Variants in DACH2 observed in about 807,000 individuals in gnomAD.
The protein encoded by DACH2 is dachshund family transcription factor 2, also known as dachshund homolog 2.
A neutral mutation model predicts 35.8 loss-of-function variants in DACH2; 17 were observed. The ratio of observed to expected loss-of-function variants is 0.48; its 90% CI spans 0.33 to 0.71. The LOEUF is 0.71. Ranked by LOEUF, DACH2 falls within the 30% of genes least tolerant of loss-of-function variation. The pLI, the probability that DACH2 is intolerant of heterozygous loss-of-function variation, is 0.02. For synonymous variants in DACH2, 195 were observed against 177.3 expected (o/e 1.10, Z -0.79); for missense variants, 469 against 472.7 (o/e 0.99, Z 0.07).
chrX:86,253,919 GA>G (rs2147954307), intron 1 of DACH2, among the ~76,000 whole-genome samples: 1 of 111,925 alleles, frequency 8.9e-6, no homozygotes, highest in Non-Finnish European at 1.9e-5. Context: ...TGTAATTTTT[GA>G]CACATTGGTT....
At chrX:86,773,877 T>G (rs1370260969) in intron 7 of DACH2, among the ~76,000 whole-genome samples, 1 of 112,094 alleles carries the variant, frequency 8.9e-6, no homozygotes, top group Non-Finnish European at 1.9e-5. Context: ...CTAGCTCTAA[T>G]CATTGTAGAA....
At position 86,698,514 on chromosome X, in the gene DACH2, G is replaced by GTTTTTTTTTTTTTTTTTTTTTTTT. The variant is rs1345238527; in HGVS notation, c.931+3339_931+3340insTTTTTTTTTTTTTTTTTTTTTTTT. 8.7e-5 allele frequency among the ~76,000 whole-genome samples: 3 copies of GTTTTTTTTTTTTTTTTTTTTTTTT among 34,343 alleles called. 1 individual carries two copies. Among genetic ancestry groups the GTTTTTTTTTTTTTTTTTTTTTTTT allele is most frequent in the Non-Finnish European group, 1.5e-4 (3 of 20,270 alleles). The allele number at this position is 34,343 out of a possible 115,157, so 29.8% of individuals were successfully genotyped here. On this transcript the variant is annotated intron_variant, in intron 5 of 11. Coordinates refer to ENST00000373125, the MANE Select transcript of DACH2 (RefSeq NM_053281.3). ...TTAATTTCTTCTTTTTGTTTTGTTA[G>GTTTTTTTTTTTTTTTTTTTTTTTT]TTTTGTGTTTTTTTTTTTTTTTTTT...
chrX:86,212,031 T>A (rs1175045041), intron 1 of DACH2, among the ~76,000 whole-genome samples: 1 of 111,700 alleles, frequency 9.0e-6, no homozygotes, highest in East Asian at 2.8e-4. Context: ...AAGACCTGAA[T>A]TGCATTGAAT....
chrX:86,663,761 C>G (rs781183870), intron 4 of DACH2, among the ~76,000 whole-genome samples: 2 of 111,962 alleles, frequency 1.8e-5, no homozygotes, highest in African/African-American at 3.2e-5. Context: ...GAATTTGACA[C>G]CATGTCCGCT....
At chrX:86,453,137 T>C (rs1037203201) in intron 2 of DACH2, among the ~76,000 whole-genome samples, 1 of 111,857 alleles carries the variant, frequency 8.9e-6, no homozygotes, top group African/African-American at 3.2e-5. Flanking sequence ...TTGAGTGAAT[T>C]CTTTAATCTT....
chrX:86,498,466 T>A (rs1357397805), intron 2 of DACH2, among the ~76,000 whole-genome samples: 2 of 112,205 alleles, frequency 1.8e-5, no homozygotes, highest in Non-Finnish European at 1.9e-5. Context: ...TTGACAGTTA[T>A]GTTCCTGGCA....
intron 1 of DACH2, among the ~76,000 whole-genome samples, chrX:86,291,660 T>C (rs2147999244): frequency 9.4e-6 from 1 of 106,771 alleles, no homozygotes; most frequent in East Asian, 3.0e-4. Context: ...GTCAAAGGCC[T>C]TTTCTGCATC....
intron 2 of DACH2, among the ~76,000 whole-genome samples, chrX:86,400,781 C>G (rs983496842): frequency 8.9e-6 from 1 of 111,773 alleles, no homozygotes; most frequent in African/African-American, 3.2e-5. Context: ...AGGTGTCAGT[C>G]TGCCCCTACT....
At chrX:86,805,387 G>T (rs763826824) in intron 7 of DACH2, among the ~76,000 whole-genome samples, 42 of 112,640 alleles carry the variant, frequency 3.7e-4, no homozygotes, top group African/African-American at 1.3e-3. Context: ...CCTGGCCCAC[G>T]AAATCATGTT....
chrX:86,556,899 T>G (rs1263475965), intron 3 of DACH2, among the ~76,000 whole-genome samples: 1 of 104,684 alleles, frequency 9.6e-6, no homozygotes, highest in South Asian at 4.7e-4. Flanking sequence ...ATATGCTGTC[T>G]GCAAGCTAGA....
chrX:86,832,494 A>G lies in DACH2; in HGVS notation c.*339A>G, dbSNP rs1240332262. ...TGCAGTAGTGTGTTAGAGACTAGAA[A>G]GTTATATGTATGGTTTCCCTGTTCT... On this transcript the variant is annotated 3_prime_UTR_variant, in exon 12 of 12. Coordinates refer to ENST00000373125, the MANE Select transcript of DACH2 (RefSeq NM_053281.3). 1 of 175,100 alleles carries G rather than the reference A, an allele frequency of 5.7e-6. No individual in the cohort carries two copies. Among genetic ancestry groups the G allele is most frequent in the African/African-American group, 3.1e-5 (1 of 32,634 alleles). The allele number at this position is 175,100 out of a possible 1,213,427, so 14.4% of individuals were successfully genotyped here. A position where few individuals can be genotyped will look rare whatever the true frequency, so the allele number is the denominator to read the frequency against.
chrX:86,177,739 T>C (rs763375510), intron 1 of DACH2, among the ~76,000 whole-genome samples: 4 of 111,442 alleles, frequency 3.6e-5, no homozygotes, highest in Non-Finnish European at 7.5e-5. Flanking sequence ...GGAAGCCATA[T>C]GTAGTAACAT....
At chrX:86,726,116 C>T (rs2041466182) in intron 6 of DACH2, among the ~76,000 whole-genome samples, 1 of 111,648 alleles carries the variant, frequency 9.0e-6, no homozygotes, top group Admixed American at 9.5e-5. Context: ...ATGCTGTATA[C>T]CTGCCATCAG....
chrX:86,768,102 CT>C (rs1293259691), intron 7 of DACH2, among the ~76,000 whole-genome samples: 1 of 111,267 alleles, frequency 9.0e-6, no homozygotes, highest in Non-Finnish European at 1.9e-5. Context: ...AATAATATAT[CT>C]CACAGGTCTT....
chrX:86,523,305 AT>A (rs1229798496), intron 3 of DACH2, among the ~76,000 whole-genome samples: 1 of 111,010 alleles, frequency 9.0e-6, no homozygotes, highest in Admixed American at 9.6e-5. Context: ...ACTTCATTGC[AT>A]CATTGGTATC....
intron 2 of DACH2, among the ~76,000 whole-genome samples, chrX:86,431,348 AG>A (rs1450759312): frequency 8.9e-6 from 1 of 112,041 alleles, no homozygotes; most frequent in Non-Finnish European, 1.9e-5. Flanking sequence ...AATTTTTTAA[AG>A]AGGGAAAAAA....
intron 11 of DACH2, chrX:86,829,743 C>CTT (rs985519996): frequency 2.7e-5 from 3 of 112,382 alleles, no homozygotes; most frequent in Non-Finnish European, 5.6e-5. Context: ...ATTACATGGA[C>CTT]TTTTGTTTTT....
chrX:86,747,855 T>C (rs950343003), intron 7 of DACH2, among the ~76,000 whole-genome samples: 1 of 112,061 alleles, frequency 8.9e-6, no homozygotes, highest in African/African-American at 3.2e-5. Context: ...TTTGAAGGCA[T>C]CTTACCTGCA....
At chrX:86,546,389 CTT>C (rs1225753971) in intron 3 of DACH2, among the ~76,000 whole-genome samples, 13 of 79,167 alleles carry the variant, frequency 1.6e-4, no homozygotes, top group African/African-American at 8.3e-4. Flanking sequence ...TCTTCTTCTT[CTT>C]CTTCTTCTTC....
Sources: gnomAD v4.1 joint callset for allele counts (sites outside exome capture counted in the v4.1 genomes callset) on GRCh38, gnomAD v4.1.1 for gene constraint, MANE v1.5 for transcripts, NCBI Gene and HGNC (gene_info 2026-07-23, HGNC 2026-07-21) for gene names.